DLGAP2: variants seen among roughly 807,000 people sequenced by gnomAD.
The protein encoded by DLGAP2 is DLG associated protein 2.
In DLGAP2, 26 loss-of-function variants were observed where a neutral mutation model predicts 100.3. The ratio of observed to expected loss-of-function variants is 0.26; its 90% CI spans 0.19 to 0.36. DLGAP2 has a LOEUF of 0.36. Ranked by LOEUF, DLGAP2 falls within the 10% of genes least tolerant of loss-of-function variation. The pLI, the probability that DLGAP2 is intolerant of heterozygous loss-of-function variation, is 1.00. For synonymous variants in DLGAP2, 886 were observed against 630.1 expected, an observed-to-expected ratio of 1.41 and a Z score of -6.08; for missense variants, 1,858 against 1,453.2, an observed-to-expected ratio of 1.28 and a Z score of -4.53.
chr8:1,226,681 G>C (rs1182813775), intron 2 of DLGAP2, among the ~76,000 whole-genome samples: 1 of 152,118 alleles, frequency 6.6e-6, no homozygotes, highest in Non-Finnish European at 1.5e-5. Context: ...ATATAAAAAT[G>C]ACCAACATGG....
At chr8:1,219,744 A>G (rs566164962) in intron 2 of DLGAP2, among the ~76,000 whole-genome samples, 34 of 152,098 alleles carry the variant, frequency 2.2e-4, no homozygotes, top group South Asian at 4.1e-4. Context: ...CGTATGTCCC[A>G]GGGCTTTTTC....
At chr8:1,221,155 G>A (rs556616067) in intron 2 of DLGAP2, among the ~76,000 whole-genome samples, 11 of 152,090 alleles carry the variant, frequency 7.2e-5, no homozygotes, top group Non-Finnish European at 1.5e-4. Context: ...TTAGCTGATC[G>A]TTATGTATAC....
chr8:946,365 A>G (rs994393971), intron 2 of DLGAP2, among the ~76,000 whole-genome samples: 7 of 150,298 alleles, frequency 4.7e-5, no homozygotes, highest in South Asian at 2.1e-4. Flanking sequence ...CCGGGTTCAC[A>G]CCATTCTTCT....
At chr8:1,668,276 C>T (rs1798594718) in intron 8 of DLGAP2, 53 bp from the exon 9 acceptor site, 8 of 1,430,098 alleles carry the variant, frequency 5.6e-6, no homozygotes, top group South Asian at 1.5e-5. Context: ...CAGTAGACCA[C>T]AGGCTGACGG....
intron 14 of DLGAP2, among the ~76,000 whole-genome samples, chr8:1,700,407 G>A (rs1440040568): frequency 4.1e-5 from 3 of 72,464 alleles, no homozygotes; most frequent in Non-Finnish European, 7.6e-5. Flanking sequence ...CTGTCTTTAG[G>A]AACAATGTGA....
chr8:1,414,529 G>C (rs1335774793), intron 3 of DLGAP2, among the ~76,000 whole-genome samples: 2 of 152,228 alleles, frequency 1.3e-5, no homozygotes, highest in Non-Finnish European at 2.9e-5. Context: ...AGGTGGCGGG[G>C]AGGGACTGAC....
chr8:913,048 G>C (rs544108398), intron 2 of DLGAP2, among the ~76,000 whole-genome samples: 1 of 152,356 alleles, frequency 6.6e-6, no homozygotes, highest in African/African-American at 2.4e-5. Flanking sequence ...CTTTGTAACA[G>C]AGTGCTTCAT....
At chr8:1,067,602 GACGTGT>G (rs1158954501) in intron 2 of DLGAP2, among the ~76,000 whole-genome samples, 1 of 130,040 alleles carries the variant, frequency 7.7e-6, no homozygotes, top group Non-Finnish European at 1.6e-5. Context: ...GTGGTTGAGT[GACGTGT>G]GTGTGTGTGT....
At chr8:1,157,349 G>A (rs1183717548) in intron 2 of DLGAP2, among the ~76,000 whole-genome samples, 1 of 152,166 alleles carries the variant, frequency 6.6e-6, no homozygotes, top group East Asian at 1.9e-4. Context: ...AGCGACGACG[G>A]CCCTCAGGGA....
At position 900,494 on chromosome 8, in the gene DLGAP2, A is replaced by G. The variant is rs111551186; in HGVS notation, c.19-7418A>G. On this transcript the variant is annotated intron_variant, in intron 1 of 14. Coordinates refer to ENST00000637795, the MANE Select transcript of DLGAP2 (RefSeq NM_001346810.2). Reference sequence around the variant, plus strand: ...TTGGAGGTGGTGGTCTTGCCGGCATATAATTACTATTCTTTGTCTCCCCTT... The same window carrying G: ...TTGGAGGTGGTGGTCTTGCCGGCATGTAATTACTATTCTTTGTCTCCCCTT... Among the ~76,000 whole-genome samples, 147 of 152,322 alleles carry G rather than the reference A, an allele frequency of 9.7e-4. 1 individual carries two copies. Among genetic ancestry groups the G allele is most frequent in the Admixed American group, 1.3e-3 (20 of 15,310 alleles).
chr8:1,312,705 T>G (rs1364305670), intron 3 of DLGAP2, among the ~76,000 whole-genome samples: 1 of 152,144 alleles, frequency 6.6e-6, no homozygotes, highest in African/African-American at 2.4e-5. Context: ...TTACAAAAAA[T>G]AAAATTAAAT....
At chr8:1,520,855 G>A (rs142755429) in intron 4 of DLGAP2, among the ~76,000 whole-genome samples, 3 of 152,332 alleles carry the variant, frequency 2.0e-5, no homozygotes, top group Admixed American at 1.3e-4. Context: ...TAAGTTTTGA[G>A]CTTCTTTGGG....
intron 3 of DLGAP2, among the ~76,000 whole-genome samples, chr8:1,292,508 TA>T (rs1392099275): frequency 6.6e-6 from 1 of 152,232 alleles, no homozygotes; most frequent in African/African-American, 2.4e-5. Flanking sequence ...TTCCTTTCTC[TA>T]AAAAATTTTG....
At chr8:1,082,290 A>T (rs1434117420) in intron 2 of DLGAP2, among the ~76,000 whole-genome samples, 1 of 152,140 alleles carries the variant, frequency 6.6e-6, no homozygotes, top group Non-Finnish European at 1.5e-5. Context: ...AAACAGGAAA[A>T]ATCTTTTACA....
At chr8:827,755 A>C (rs1796708275) in intron 1 of DLGAP2, among the ~76,000 whole-genome samples, 1 of 152,238 alleles carries the variant, frequency 6.6e-6, no homozygotes, top group Non-Finnish European at 1.5e-5. Context: ...AACTGAATAG[A>C]TCTATGTTGC....
chr8:1,605,673 A>T (rs374398411), intron 6 of DLGAP2, among the ~76,000 whole-genome samples: 17 of 152,116 alleles, frequency 1.1e-4, no homozygotes, highest in African/African-American at 3.1e-4. Context: ...CTTCCCTGTT[A>T]TAAGGAAGAA....
chr8:750,214 G>A (rs1820755417), intron 1 of DLGAP2, among the ~76,000 whole-genome samples: 3 of 152,230 alleles, frequency 2.0e-5, no homozygotes, highest in African/African-American at 7.2e-5. Context: ...GCTCTCTCTA[G>A]ACACGCGCAT....
At chr8:1,323,257 T>A (rs1452493258) in intron 3 of DLGAP2, among the ~76,000 whole-genome samples, 2 of 152,094 alleles carry the variant, frequency 1.3e-5, no homozygotes, top group Non-Finnish European at 2.9e-5. Context: ...CTTGAACTCC[T>A]GAGGTCAGGC....
At position 1,258,837 on chromosome 8, in the gene DLGAP2, GTC is replaced by G. The variant is rs1449601509; in HGVS notation, c.74-10_74-9del. On this transcript the variant is annotated splice_polypyrimidine_tract_variant and intron_variant, in intron 2 of 14. Coordinates refer to ENST00000637795, the MANE Select transcript of DLGAP2 (RefSeq NM_001346810.2). ...CCTGTGGGTGTAACAGCTTCTCTCT[GTC>G]TCTGTTTTCAGAGTCGCAGTGCACG... 13 of 1,231,736 alleles carry G rather than the reference GTC, an allele frequency of 1.1e-5. No homozygotes were observed. In the South Asian group the frequency reaches 4.9e-4, roughly 47 times the overall value. The allele number at this position is 1,231,736 out of a possible 1,614,324, so 76.3% of individuals were successfully genotyped here. A position where few individuals can be genotyped will look rare whatever the true frequency, so the allele number is the denominator to read the frequency against.
Sources: gnomAD v4.1 joint callset for allele counts (sites outside exome capture counted in the v4.1 genomes callset) on GRCh38, gnomAD v4.1.1 for gene constraint, MANE v1.5 for transcripts, NCBI Gene and HGNC (gene_info 2026-07-23, HGNC 2026-07-21) for gene names.